The following NRG3 variants were observed in gnomAD, a reference collection of about 807,000 sequenced individuals.
The protein encoded by NRG3 is neuregulin 3, also known as pro-neuregulin-3, membrane-bound isoform.
NRG3 carries 31 observed loss-of-function variants against 66.9 expected under a neutral mutation model. The observed-to-expected ratio is 0.46, with a 90% CI of 0.35 to 0.63. The LOEUF is 0.63. Ranked by LOEUF, NRG3 falls within the 20% of genes least tolerant of loss-of-function variation. The pLI is 0.00. For synonymous variants in NRG3, 393 were observed against 359.4 expected, an observed-to-expected ratio of 1.09 and a Z score of -1.06; for missense variants, 910 against 878.9, an observed-to-expected ratio of 1.04 and a Z score of -0.45.
At position 82,925,220 on chromosome 10, in the gene NRG3, T is replaced by C. The variant is rs142612482; in HGVS notation, c.1055-26249T>C. ...CTACCACATCCCCTCTCCAACACTATTGGTTTGATTTTCTGTTACAGAAGT... is the reference window on the plus strand; with the variant it reads ...CTACCACATCCCCTCTCCAACACTACTGGTTTGATTTTCTGTTACAGAAGT... On this transcript the variant is annotated intron_variant, in intron 4 of 8. Transcript: ENST00000372141. 5.9e-5 allele frequency among the ~76,000 whole-genome samples: 9 copies of C among 152,288 alleles called. No homozygotes were observed. In the East Asian group the frequency reaches 1.5e-3, roughly 26 times the overall value.
chr10:82,088,336 C>A (rs1302908082), intron 1 of NRG3, among the ~76,000 whole-genome samples: 1 of 152,052 alleles, frequency 6.6e-6, no homozygotes, highest in Non-Finnish European at 1.5e-5. Context: ...TGAGTTGATC[C>A]TGTTTCTCTT....
chr10:82,093,525 T>C (rs902288109), intron 1 of NRG3, among the ~76,000 whole-genome samples: 1 of 152,176 alleles, frequency 6.6e-6, no homozygotes, highest in Non-Finnish European at 1.5e-5. Context: ...ACTTCTGACA[T>C]TGAGGAAATA....
chr10:81,997,209 T>C (rs1333512477), intron 1 of NRG3, among the ~76,000 whole-genome samples: 1 of 152,192 alleles, frequency 6.6e-6, no homozygotes, highest in Non-Finnish European at 1.5e-5. Context: ...CAGGGTCTCC[T>C]GTGATATGGT....
intron 1 of NRG3, among the ~76,000 whole-genome samples, chr10:81,997,122 G>A (rs928197239): frequency 3.9e-5 from 6 of 152,034 alleles, no homozygotes; most frequent in African/African-American, 1.2e-4. Flanking sequence ...TGTATCTGGC[G>A]ACTCATTCAT....
At chr10:82,389,292 T>C (rs938176246) in intron 2 of NRG3, among the ~76,000 whole-genome samples, 2 of 152,216 alleles carry the variant, frequency 1.3e-5, no homozygotes, top group Non-Finnish European at 2.9e-5. Context: ...TAAAAATCAC[T>C]GTGTTAGTGT....
At chr10:81,876,272 C>G in intron 1 of NRG3, 109 bp downstream of exon 1, 1 of 1,422,574 alleles carries the variant, frequency 7.0e-7, no homozygotes, top group Non-Finnish European at 9.4e-7. Flanking sequence ...CTCCCCCATC[C>G]CAGGTTTGGG....
chr10:82,657,664 T>G (rs1352887936), intron 2 of NRG3, among the ~76,000 whole-genome samples: 1 of 151,458 alleles, frequency 6.6e-6, no homozygotes, highest in Non-Finnish European at 1.5e-5. Context: ...AAAAAAAAAC[T>G]GTCACAACTG....
At chr10:82,438,374 G>T (rs1471959728) in intron 2 of NRG3, among the ~76,000 whole-genome samples, 1 of 152,216 alleles carries the variant, frequency 6.6e-6, no homozygotes, top group Admixed American at 6.5e-5. Flanking sequence ...ACAAGTCTTG[G>T]GACCAAACCT....
At chr10:81,935,480 G>C (rs545256969) in intron 1 of NRG3, among the ~76,000 whole-genome samples, 1 of 152,262 alleles carries the variant, frequency 6.6e-6, no homozygotes, top group East Asian at 1.9e-4. Context: ...AGAAACTTTA[G>C]AGTCAGGTTA....
At chr10:82,661,992 T>C (rs758101015) in intron 2 of NRG3, among the ~76,000 whole-genome samples, 1 of 152,106 alleles carries the variant, frequency 6.6e-6, no homozygotes, top group Non-Finnish European at 1.5e-5. Flanking sequence ...CATGGAGGGT[T>C]TTGAGGACAA....
At chr10:82,630,525 A>AG (rs1371759120) in intron 2 of NRG3, among the ~76,000 whole-genome samples, 2 of 152,066 alleles carry the variant, frequency 1.3e-5, no homozygotes, top group Non-Finnish European at 2.9e-5. Context: ...TAAGAATTTT[A>AG]AGTTGGCCCG....
At chr10:82,863,503 A>G (rs1479735517) in intron 3 of NRG3, among the ~76,000 whole-genome samples, 2 of 152,198 alleles carry the variant, frequency 1.3e-5, no homozygotes, top group African/African-American at 2.4e-5. Flanking sequence ...CTATTTCTCC[A>G]CGTCCTCTCC....
At chr10:82,087,974 C>T (rs1156326130) in intron 1 of NRG3, among the ~76,000 whole-genome samples, 2 of 152,060 alleles carry the variant, frequency 1.3e-5, no homozygotes, top group Non-Finnish European at 2.9e-5. Context: ...CGGCTGGATC[C>T]GAAACCTCAG....
At chr10:82,762,223 A>T (rs771102647) in intron 3 of NRG3, among the ~76,000 whole-genome samples, 1 of 151,944 alleles carries the variant, frequency 6.6e-6, no homozygotes, top group Non-Finnish European at 1.5e-5. Context: ...TCTGGGCTCA[A>T]GCAATCCACC....
At chr10:82,071,188 G>A (rs1239498570) in intron 1 of NRG3, among the ~76,000 whole-genome samples, 1 of 152,104 alleles carries the variant, frequency 6.6e-6, no homozygotes, top group Non-Finnish European at 1.5e-5. Context: ...GGGTACCCAT[G>A]AAGACACAGG....
At chr10:82,784,284 G>A (rs1328301285) in intron 3 of NRG3, among the ~76,000 whole-genome samples, 2 of 151,418 alleles carry the variant, frequency 1.3e-5, no homozygotes, top group African/African-American at 2.4e-5. Context: ...TTACCATTCA[G>A]GACATAGGCA....
chr10:82,820,297 G>A (rs1280787673), intron 3 of NRG3, among the ~76,000 whole-genome samples: 2 of 152,164 alleles, frequency 1.3e-5, no homozygotes, highest in Non-Finnish European at 2.9e-5. Context: ...AGGATTAGGT[G>A]AAATAAATAC....
chr10:82,787,429 A>G (rs532905815), intron 3 of NRG3, among the ~76,000 whole-genome samples: 38 of 152,318 alleles, frequency 2.5e-4, no homozygotes, highest in Middle Eastern at 3.4e-3. Context: ...AACAATTATA[A>G]TGTTTAGGTA....
chr10:82,974,614 C>T (rs1265900871), intron 7 of NRG3, among the ~76,000 whole-genome samples: 1 of 152,152 alleles, frequency 6.6e-6, no homozygotes, highest in Non-Finnish European at 1.5e-5. Flanking sequence ...GATATACATC[C>T]TCAATCTTTA....
Sources: allele counts gnomAD v4.1 joint callset (sites outside exome capture counted in the v4.1 genomes callset), GRCh38; gene constraint gnomAD v4.1.1; transcripts MANE v1.5; gene names NCBI Gene and HGNC (gene_info 2026-07-23, HGNC 2026-07-21).